Variants in PKHD1L1 observed in about 807,000 individuals in gnomAD.
The protein encoded by PKHD1L1 is PKHD1 like 1, also known as fibrocystin-L.
PKHD1L1 carries 434 observed loss-of-function variants against 462.9 expected under a neutral mutation model. That is an observed-to-expected ratio of 0.94 (90% CI 0.87 to 1.02). The LOEUF is 1.02. PKHD1L1 is among the 50% of genes least tolerant of loss of function. The probability of loss-of-function intolerance (pLI) is 0.00; values close to 1 mark genes in which losing one functional copy is unlikely to be tolerated. For synonymous variants in PKHD1L1, 1,781 were observed against 1,750.0 expected, an observed-to-expected ratio of 1.02 and a Z score of -0.44; for missense variants, 5,202 against 5,096.1, an observed-to-expected ratio of 1.02 and a Z score of -0.63.
chr8:109,530,251 T>C lies in PKHD1L1; in HGVS notation c.*161T>C, dbSNP rs1821005286. On this transcript the variant is annotated 3_prime_UTR_variant, in exon 78 of 78. Transcript: ENST00000378402. The stretch of plus-strand genomic sequence containing the variant: ...TAGCTTTAAACACTAAAATCAGATT[T>C]CTTCAAAATATAAATTTGTTTTGAT... 5.7e-6 allele frequency: 2 copies of C among 351,126 alleles called. No individual in the cohort carries two copies. Among genetic ancestry groups the C allele is most frequent in the African/African-American group, 4.3e-5 (2 of 46,394 alleles). 21.8% of individuals were successfully genotyped at this position (351,126 alleles called of 1,614,324 possible).
rs79612261 is a variant in PKHD1L1 at position 109,486,688 on chromosome 8, G to T, written c.9747G>T (p.Thr3249=). Reference sequence around the variant, plus strand: ...TCCCTGGAACTGGTGAGAGCTACACGTTAGCAGCTGATGTTGGGATACTGA... The same window carrying T: ...TCCCTGGAACTGGTGAGAGCTACACTTTAGCAGCTGATGTTGGGATACTGA... ...YHVPGTGESY[T]LAADVGILSR... The change falls in exon 59 of 78, where the codon ACG becomes ACT. Residue 3249 remains threonine, a synonymous_variant. Transcript: ENST00000378402. 1.2e-6 allele frequency: 2 copies of T among 1,612,238 alleles called. No individual in the cohort carries two copies. The highest frequency in any genetic ancestry group is 1.3e-5 in the African/African-American group (1 of 74,818).
At position 109,413,688 on chromosome 8, in the gene PKHD1L1, G is replaced by A. The variant is rs898964816; in HGVS notation, c.2360+143G>A. On this transcript the variant is annotated intron_variant, in intron 21 of 77. Transcript: ENST00000378402. ...ATAATGCACACAATGGATGTAAATG[G>A]CAGTTTTCCTATCTTACACATGTAC... 5.9e-6 allele frequency: 3 copies of A among 504,828 alleles called. No homozygotes were observed. The African/African-American group carries it at 6.0e-5, about 10-fold the overall frequency. 31.3% of individuals were successfully genotyped at this position (504,828 alleles called of 1,614,324 possible).
intron 19 of PKHD1L1, among the ~76,000 whole-genome samples, chr8:109,410,726 C>CTTTTTTTTTTTTTTTTTTGTTT (rs1813800320): frequency 5.8e-5 from 4 of 68,390 alleles, no homozygotes; most frequent in African/African-American, 1.6e-4. Flanking sequence ...TTTTCTTTTT[C>CTTTTTTTTTTTTTTTTTTGTTT]TTTTTTTTTT....
At position 109,406,454 on chromosome 8, in the gene PKHD1L1, A is replaced by G. The variant is rs1813540832; in HGVS notation, c.1789A>G (p.Met597Val). 4 of 1,603,004 alleles carry G rather than the reference A, an allele frequency of 2.5e-6. No homozygotes were observed. Among genetic ancestry groups the G allele is most frequent in the African/African-American group, 2.7e-5 (2 of 74,864 alleles). The change falls in exon 17 of 78, where the codon ATG (methionine) becomes GTG (valine). Residue 597 changes from methionine (M) to valine (V), a missense_variant. By Grantham distance (21) the Met-to-Val change is conservative. Transcript: ENST00000378402. ...RTQNPQSYVYMVTFISTRGDF... is the reference protein window; with the variant it reads ...RTQNPQSYVYVVTFISTRGDF... ...ACAAAATCCCCAGAGCTATGTCTAC[A>G]TGGTAACATTCATATCAACTAGAGG...
At chr8:109,367,263 G>A (rs1811279389) in intron 2 of PKHD1L1, among the ~76,000 whole-genome samples, 1 of 152,142 alleles carries the variant, frequency 6.6e-6, no homozygotes, top group Non-Finnish European at 1.5e-5. Flanking sequence ...TCACCAGGGT[G>A]TCTCTGATAG....
At position 109,419,210 on chromosome 8, in the gene PKHD1L1, A is replaced by G. The variant is rs200854141; in HGVS notation, c.2474A>G (p.Tyr825Cys). The change falls in exon 22 of 78, where the codon TAT becomes TGT. Residue 825 changes from tyrosine to cysteine, a missense_variant. Physicochemically the swap from Tyr to Cys is radical, Grantham distance 194 (BLOSUM62 -2). Transcript: ENST00000378402. ...LHKASESQSF[Y>C]VDVVYIGHTS... is the part of the protein sequence containing the mutation. Reference sequence around the variant, plus strand: ...AAAGCATCAGAATCACAGTCCTTCTATGTGGATGTAGTGTACATTGGACAC... The same window carrying G: ...AAAGCATCAGAATCACAGTCCTTCTGTGTGGATGTAGTGTACATTGGACAC... The G allele has an allele frequency of 2.5e-6, 4 of 1,612,870 alleles. No homozygotes were observed. In the Middle Eastern group the frequency reaches 5.0e-4, roughly 200 times the overall value.
Position 109,533,358 on chromosome 8 carries a change from GT to G in PKHD1L1, c.*3273del, listed in dbSNP as rs1358554698. Among the ~76,000 whole-genome samples, 1 of 152,186 alleles carries G rather than the reference GT, an allele frequency of 6.6e-6. No homozygotes were observed. Among genetic ancestry groups the G allele is most frequent in the East Asian group, 1.9e-4 (1 of 5,202 alleles). On this transcript the variant is annotated 3_prime_UTR_variant, in exon 78 of 78. Transcript: ENST00000378402. ...AGGCGGTAAAATGATAGCCACTCTT[GT>G]TTTTATTTCCATAATGTGGCCTATA...
rs1375272558 is a variant in PKHD1L1, at chr8:109,425,354, A to G, written c.2845+122A>G. On this transcript the variant is annotated intron_variant, in intron 24 of 77. Transcript: ENST00000378402. ...ATTGATACATACAAATATATTAATT[A>G]TTTATTTGATATATAAGTAAATATG... 1.2e-5 allele frequency: 7 copies of G among 581,960 alleles called. No individual in the cohort carries two copies. The African/African-American group carries it at 1.2e-4, about 10-fold the overall frequency. The allele number at this position is 581,960 out of a possible 1,614,324, so 36.0% of individuals were successfully genotyped here. A position where few individuals can be genotyped will look rare whatever the true frequency, so the allele number is the denominator to read the frequency against.
intron 23 of PKHD1L1, among the ~76,000 whole-genome samples, chr8:109,423,412 G>T (rs1814575438): frequency 6.6e-6 from 1 of 151,938 alleles, no homozygotes; most frequent in African/African-American, 2.4e-5. Context: ...TAATTACATT[G>T]GAACCTTTGT....
rs774525793 is a variant in PKHD1L1, at chr8:109,419,125, G to C, written c.2389G>C (p.Asp797His). Reference protein sequence around the residue: ...NWTYTCIDLLDLVRTKYTGTN... With the variant: ...NWTYTCIDLLHLVRTKYTGTN... ...GACTTACACTTGCATAGACCTTCTG[G>C]ATCTCGTAAGAACGAAATACACTGG... The change falls in exon 22 of 78, where the codon GAT becomes CAT. Residue 797 changes from aspartate to histidine, a missense_variant. Coordinates refer to ENST00000378402, the MANE Select transcript of PKHD1L1 (RefSeq NM_177531.6). 1 of 1,613,228 alleles carries C rather than the reference G, an allele frequency of 6.2e-7. No homozygotes were observed. Among genetic ancestry groups the C allele is most frequent in the South Asian group, 1.1e-5 (1 of 90,988 alleles).
At chr8:109,527,221 G>C (rs1820863248) in intron 77 of PKHD1L1, among the ~76,000 whole-genome samples, 1 of 152,186 alleles carries the variant, frequency 6.6e-6, no homozygotes, top group South Asian at 2.1e-4. Context: ...GTGAAACAAG[G>C]CTGGGCACAG....
intron 44 of PKHD1L1, 56 bp downstream of exon 44, chr8:109,454,302 T>A (rs1011541535): frequency 4.1e-6 from 5 of 1,217,454 alleles, no homozygotes; most frequent in Non-Finnish European, 4.6e-6. Flanking sequence ...TTCATTTTTT[T>A]AAATACTATG....
chr8:109,372,447 C>A (rs1156630385), intron 2 of PKHD1L1, among the ~76,000 whole-genome samples: 1 of 152,170 alleles, frequency 6.6e-6, no homozygotes, highest in Non-Finnish European at 1.5e-5. Context: ...TCGTCATCTG[C>A]AAACAGGGAC....
At chr8:109,381,223 C>T in intron 2 of PKHD1L1, 147 bp from the exon 3 acceptor site, 1 of 725,238 alleles carries the variant, frequency 1.4e-6, no homozygotes, top group Non-Finnish European at 2.2e-6. Flanking sequence ...AAGAAGATTA[C>T]AATCATAAGG....
chr8:109,399,634 G>A (rs1382456383), intron 12 of PKHD1L1, among the ~76,000 whole-genome samples: 1 of 151,954 alleles, frequency 6.6e-6, no homozygotes, highest in East Asian at 1.9e-4. Context: ...TCTGATTAAT[G>A]GCTTTGTAAG....
rs1389273413 is a variant in PKHD1L1 at position 109,433,134 on chromosome 8, C to T, written c.3258C>T (p.Thr1086=). ...CCTATGAAGAAGGCACAATTCTAAC[C>T]ATAGTGGGTTCTGGATTTTCTCCTA... ...QGSYEEGTIL[T]IVGSGFSPSS... Residue 1086 remains threonine (T), a synonymous_variant, in exon 28 of 78, where the codon ACC becomes ACT. Coordinates refer to ENST00000378402, the MANE Select transcript of PKHD1L1 (RefSeq NM_177531.6). 1.2e-6 allele frequency: 2 copies of T among 1,613,090 alleles called. No homozygotes were observed. The highest frequency in any genetic ancestry group is 1.7e-6 in the Non-Finnish European group (2 of 1,179,396).
At chr8:109,516,827 C>A (rs988851837) in intron 72 of PKHD1L1, among the ~76,000 whole-genome samples, 1 of 152,064 alleles carries the variant, frequency 6.6e-6, no homozygotes, top group Non-Finnish European at 1.5e-5. Context: ...AAAATAGGAA[C>A]TATCTTCATA....
intron 9 of PKHD1L1, among the ~76,000 whole-genome samples, chr8:109,392,103 G>A (rs1478517413): frequency 6.6e-6 from 1 of 152,068 alleles, no homozygotes; most frequent in Non-Finnish European, 1.5e-5. Context: ...GATAAGACAC[G>A]GCAACAGGAT....
chr8:109,480,491 C>T (rs2130884816), intron 55 of PKHD1L1: 3 of 429,770 alleles, frequency 7.0e-6, no homozygotes, highest in South Asian at 5.2e-5. Flanking sequence ...GCCTTTTGTT[C>T]TTTAAATAAA....
Sources: gnomAD v4.1 joint callset for allele counts (sites outside exome capture counted in the v4.1 genomes callset) on GRCh38, gnomAD v4.1.1 for gene constraint, MANE v1.5 for transcripts, NCBI Gene and HGNC (gene_info 2026-07-23, HGNC 2026-07-21) for gene names.